Variants in ZNF451 observed in about 807,000 individuals in gnomAD.
The protein encoded by ZNF451 is zinc finger protein 451.
ZNF451 carries 80 observed loss-of-function variants against 107.1 expected under a neutral mutation model. That is an observed-to-expected ratio of 0.75 (90% confidence interval 0.62 to 0.90). The LOEUF is 0.90. ZNF451 is among the 40% of genes least tolerant of loss of function. The probability of loss-of-function intolerance (pLI) is 0.00; values close to 1 mark genes in which losing one functional copy is unlikely to be tolerated. For synonymous variants in ZNF451, 362 were observed against 406.5 expected (o/e 0.89, Z 1.32); for missense variants, 1,107 against 1,236.2 (o/e 0.90, Z 1.57).
intron 3 of ZNF451, among the ~76,000 whole-genome samples, chr6:57,121,984 A>ATTT (rs201622241): frequency 0.043 from 6,573 of 152,304 alleles, 189 homozygotes; most frequent in Non-Finnish European, 0.065. Flanking sequence ...TTATACTACA[A>ATTT]GGCTACAGTA....
chr6:57,101,450 A>G lies in ZNF451; in HGVS notation c.186+2309A>G, dbSNP rs750845073. The G allele has an allele frequency of 1.9e-6, 3 of 1,550,878 alleles. No individual in the cohort carries two copies. In the South Asian group the frequency reaches 3.6e-5, roughly 18 times the overall value. On this transcript the variant is annotated intron_variant, in intron 3 of 14. Transcript: ENST00000370706. Reference sequence around the variant, plus strand: ...CCTTTCCAACCAAACCCACCAGCTGAAGGCCCCATTGTAGAAGCATTAGAA... The same window carrying G: ...CCTTTCCAACCAAACCCACCAGCTGGAGGCCCCATTGTAGAAGCATTAGAA...
At chr6:57,123,172 A>G (rs750978596) in intron 3 of ZNF451, among the ~76,000 whole-genome samples, 2 of 152,210 alleles carry the variant, frequency 1.3e-5, no homozygotes, top group African/African-American at 2.4e-5. Flanking sequence ...TGTTTCAAAA[A>G]TAAATAATAA....
At chr6:57,116,167 T>A (rs1003851238) in intron 3 of ZNF451, 28 of 152,190 alleles carry the variant, frequency 1.8e-4, no homozygotes, top group African/African-American at 6.5e-4. Context: ...CACGTCAGTA[T>A]GTGGCATTAG....
intron 9 of ZNF451, among the ~76,000 whole-genome samples, chr6:57,142,892 G>A (rs1444791575): frequency 6.6e-6 from 1 of 152,076 alleles, no homozygotes; most frequent in Admixed American, 6.5e-5. Flanking sequence ...CTATTCTTGT[G>A]TCTCATTTTA....
intron 14 of ZNF451, among the ~76,000 whole-genome samples, chr6:57,168,155 TAA>T (rs750849031): frequency 5.9e-5 from 9 of 152,224 alleles, no homozygotes; most frequent in Admixed American, 2.6e-4. Context: ...TCAGTGATTT[TAA>T]AAGTTTGTTG....
In ZNF451 at chr6:57,102,303, G is replaced by A. The variant is rs948375034; in HGVS notation, c.186+3162G>A. On this transcript the variant is annotated intron_variant, in intron 3 of 14. Coordinates refer to ENST00000370706, the MANE Select transcript of ZNF451 (RefSeq NM_001031623.3). ...ATGACTTATTGGCCAAGTGAGCAGT[G>A]GAGACTTTCTTGAAAGGGTTGGACA... is the stretch of plus-strand genomic sequence containing the variant. The A allele has an allele frequency of 2.5e-5, 32 of 1,261,482 alleles. No homozygotes were observed. The African/African-American group carries it at 2.6e-4, about 10-fold the overall frequency. 78.1% of individuals were successfully genotyped at this position (1,261,482 alleles called of 1,614,324 possible). A position where few individuals can be genotyped will look rare whatever the true frequency, so the allele number is the denominator to read the frequency against.
At chr6:57,132,539 G>C (rs1831227692) in intron 5 of ZNF451, among the ~76,000 whole-genome samples, 1 of 152,190 alleles carries the variant, frequency 6.6e-6, no homozygotes, top group Non-Finnish European at 1.5e-5. Flanking sequence ...GGGCAACATT[G>C]AGAGACCCTG....
chr6:57,146,501 A>T (rs1405939098), intron 9 of ZNF451, among the ~76,000 whole-genome samples: 1 of 152,152 alleles, frequency 6.6e-6, no homozygotes, highest in Non-Finnish European at 1.5e-5. Flanking sequence ...AAGTTTTATC[A>T]GCACCATTTA....
In ZNF451 at chr6:57,134,679, G is replaced by A. The variant is rs549744872; in HGVS notation, c.576-65G>A. On this transcript the variant is annotated intron_variant, in intron 6 of 14. Coordinates refer to ENST00000370706, the MANE Select transcript of ZNF451 (RefSeq NM_001031623.3). The stretch of plus-strand genomic sequence containing the variant: ...ATGTGTTTAGCTTCACAAATGAAGC[G>A]ACATAGTTGTTTCCCTAGAATGTAG... 1.1e-4 allele frequency: 162 copies of A among 1,469,434 alleles called. No homozygotes were observed. In the African/African-American group the frequency reaches 2.0e-3, roughly 18 times the overall value. The allele number at this position is 1,469,434 out of a possible 1,614,324, so 91.0% of individuals were successfully genotyped here. A position where few individuals can be genotyped will look rare whatever the true frequency, so the allele number is the denominator to read the frequency against.
intron 3 of ZNF451, chr6:57,106,127 A>G (rs1205443886): frequency 9.1e-6 from 9 of 985,308 alleles, no homozygotes; most frequent in Non-Finnish European, 9.6e-6. Context: ...TACTGTAAAC[A>G]AGGAGGTTGA....
chr6:57,157,259 G>T (rs1763471145), intron 13 of ZNF451, among the ~76,000 whole-genome samples: 1 of 152,088 alleles, frequency 6.6e-6, no homozygotes, highest in South Asian at 2.1e-4. Context: ...AAATAGGAAG[G>T]ATCTTTTGAA....
intron 14 of ZNF451, chr6:57,164,997 A>C (rs1361684503): frequency 1.3e-5 from 2 of 152,168 alleles, no homozygotes; most frequent in Admixed American, 6.5e-5. Context: ...CTACTAGTAA[A>C]TTCTGTAGCT....
At chr6:57,095,494 A>G (rs573594450) in intron 2 of ZNF451, among the ~76,000 whole-genome samples, 120 of 151,862 alleles carry the variant, frequency 7.9e-4, no homozygotes, top group Non-Finnish European at 1.4e-3. Context: ...TACTGTACCC[A>G]GCTAATTTAT....
chr6:57,122,436 A>G (rs1247997402), intron 3 of ZNF451, among the ~76,000 whole-genome samples: 4 of 152,250 alleles, frequency 2.6e-5, no homozygotes, highest in East Asian at 1.9e-4. Flanking sequence ...CAGAGCTAAC[A>G]GACAACCCAC....
chr6:57,100,994 C>G, intron 3 of ZNF451: 1 of 1,550,854 alleles, frequency 6.4e-7, no homozygotes, highest in African/African-American at 1.4e-5. Flanking sequence ...GCTGAAATGT[C>G]CCGAGTGATA....
chr6:57,152,750 T>C (rs571863162), intron 12 of ZNF451, among the ~76,000 whole-genome samples: 42 of 152,196 alleles, frequency 2.8e-4, no homozygotes, highest in South Asian at 2.5e-3. Flanking sequence ...CATACCACCA[T>C]GCCCAGCTAA....
chr6:57,125,388 TA>T (rs1270544658), intron 4 of ZNF451, among the ~76,000 whole-genome samples: 1 of 152,184 alleles, frequency 6.6e-6, no homozygotes, highest in Non-Finnish European at 1.5e-5. Flanking sequence ...TGACTTGCTT[TA>T]GAAGGCCCCA....
Position 57,169,428 on chromosome 6 carries a change from A to G in ZNF451, c.*959A>G, listed in dbSNP as rs1562635524. The G allele has an allele frequency of 6.6e-6, 1 of 152,242 alleles. No homozygotes were observed. Among genetic ancestry groups the G allele is most frequent in the East Asian group, 1.9e-4 (1 of 5,184 alleles). The allele number at this position is 152,242 out of a possible 1,614,324, so 9.4% of individuals were successfully genotyped here. On this transcript the variant is annotated 3_prime_UTR_variant, in exon 15 of 15. Transcript: ENST00000370706. ...ATATTGAGGCCCCATTGTGAGTAAT[A>G]AAAAATACGACATAAGTAGAAGACT...
Position 57,168,443 on chromosome 6 carries a change from A to G in ZNF451, c.3160A>G (p.Ile1054Val). The change falls in exon 15 of 15, where the codon ATT becomes GTT. Residue 1054 changes from isoleucine to valine, a missense_variant. Transcript: ENST00000370706. ...TGCAGATGTGGAATTAGAAGAAGCT[A>G]TTAGAAGAAGTCTTGAGGAAATGTA... is the stretch of plus-strand genomic sequence containing the variant. ...STEDVELEEAIRRSLEEM is the reference protein window; with the variant it reads ...STEDVELEEAVRRSLEEM 1 of 1,608,696 alleles carries G rather than the reference A, an allele frequency of 6.2e-7. No homozygotes were observed. The highest frequency in any genetic ancestry group is 8.5e-7 in the Non-Finnish European group (1 of 1,177,308).
Sources: gnomAD v4.1 joint callset for allele counts (sites outside exome capture counted in the v4.1 genomes callset) on GRCh38, gnomAD v4.1.1 for gene constraint, MANE v1.5 for transcripts, NCBI Gene and HGNC (gene_info 2026-07-23, HGNC 2026-07-21) for gene names.